C7: variants seen among roughly 807,000 people sequenced by gnomAD.
The protein encoded by C7 is complement component C7.
C7 carries 83 observed loss-of-function variants against 104.8 expected under a neutral mutation model. That is an observed-to-expected ratio of 0.79 (90% confidence interval 0.66 to 0.95). C7 has a LOEUF of 0.95. C7 is among the 40% of genes least tolerant of loss of function. The pLI, the probability that C7 is intolerant of heterozygous loss-of-function variation, is 0.00. For missense variants in C7, 1,070 were observed against 1,011.2 expected (o/e 1.06, Z -0.79); for synonymous variants, 415 against 360.6 (o/e 1.15, Z -1.71).
chr5:40,951,372 C>T (rs1418035946), intron 9 of C7, among the ~76,000 whole-genome samples: 1 of 152,082 alleles, frequency 6.6e-6, no homozygotes, highest in Non-Finnish European at 1.5e-5. Context: ...AACAGGAAAC[C>T]AAATACTGCA....
chr5:40,970,177 C>T (rs765949196), intron 14 of C7, among the ~76,000 whole-genome samples: 1 of 152,102 alleles, frequency 6.6e-6, no homozygotes, highest in East Asian at 1.9e-4. Context: ...TGATATATCT[C>T]ATTGTGATGA....
At chr5:40,929,072 G>A (rs1388194053) in intron 2 of C7, among the ~76,000 whole-genome samples, 2 of 152,116 alleles carry the variant, frequency 1.3e-5, no homozygotes, top group African/African-American at 4.8e-5. Flanking sequence ...ATTTATCCAA[G>A]GCTTTGTTAT....
Position 40,958,127 on chromosome 5 carries a change from T to C in C7, c.1355T>C (p.Phe452Ser). 1.2e-6 allele frequency: 2 copies of C among 1,613,854 alleles called. No homozygotes were observed. Among genetic ancestry groups the C allele is most frequent in the Non-Finnish European group, 1.7e-6 (2 of 1,179,788 alleles). Residue 452 changes from phenylalanine (F) to serine (S), a missense_variant, in exon 11 of 18, where the codon TTT becomes TCT. Physicochemically the swap from Phe to Ser is radical, Grantham distance 155. Coordinates refer to ENST00000313164, the MANE Select transcript of C7 (RefSeq NM_000587.4). The part of the protein sequence containing the change: ...KWALEEYLDE[F>S]DPCHCRPCQN... Reference sequence around the variant, plus strand: ...GCTCTTGAAGAGTATCTGGATGAATTTGACCCCTGTCATTGCCGGCCTTGT... The same window carrying C: ...GCTCTTGAAGAGTATCTGGATGAATCTGACCCCTGTCATTGCCGGCCTTGT...
intron 9 of C7, among the ~76,000 whole-genome samples, chr5:40,951,638 C>T (rs780241124): frequency 3.3e-5 from 5 of 152,078 alleles, no homozygotes; most frequent in South Asian, 2.1e-4. Context: ...GAGAAAGTTG[C>T]TTTTAAAGGA....
intron 1 of C7, among the ~76,000 whole-genome samples, chr5:40,909,974 ATTTTTTTT>A (rs1259880340): frequency 1.6e-5 from 2 of 124,664 alleles, no homozygotes; most frequent in African/African-American, 6.1e-5. Context: ...CCTCTGGTGT[ATTTTTTTT>A]TTTTTTTTTT....
intron 6 of C7, among the ~76,000 whole-genome samples, chr5:40,942,716 G>A (rs1422632822): frequency 6.6e-6 from 1 of 151,800 alleles, no homozygotes; most frequent in Non-Finnish European, 1.5e-5. Flanking sequence ...TGAAAAGCAC[G>A]AATGGATTTG....
intron 7 of C7, among the ~76,000 whole-genome samples, chr5:40,946,094 T>C (rs1053872361): frequency 2.0e-5 from 3 of 151,880 alleles, no homozygotes; most frequent in Non-Finnish European, 2.9e-5. Flanking sequence ...TTAATGCTTA[T>C]ATATGCTTCT....
chr5:40,973,340 A>G (rs1181202370), intron 15 of C7, among the ~76,000 whole-genome samples: 1 of 152,210 alleles, frequency 6.6e-6, no homozygotes, highest in Admixed American at 6.5e-5. Context: ...AGAATGAAGA[A>G]AAACTCACTT....
chr5:40,974,726 T>A (rs2111716298), intron 15 of C7, among the ~76,000 whole-genome samples: 1 of 152,320 alleles, frequency 6.6e-6, no homozygotes, highest in East Asian at 1.9e-4. Flanking sequence ...CTTGACATTA[T>A]AATAGTTTAA....
rs371469026 is a variant in C7 at position 40,949,996 on chromosome 5, G to T, written c.1075G>T (p.Ala359Ser). Reference protein sequence around the residue: ...SSHGCKELENALKAASGTQNN... With the variant: ...SSHGCKELENSLKAASGTQNN... ...TCATGGATGCAAGGAACTGGAAAAC[G>T]CTTTAAAAGCTGCTTCAGGTAAATG... The change falls in exon 9 of 18, where the codon GCT becomes TCT. Residue 359 changes from alanine to serine, a missense_variant. Ala to Ser is a moderately conservative substitution (Grantham distance 99, BLOSUM62 1). Coordinates refer to ENST00000313164, the MANE Select transcript of C7 (RefSeq NM_000587.4). The T allele has an allele frequency of 6.3e-7, 1 of 1,587,986 alleles. No individual in the cohort carries two copies. Among genetic ancestry groups the T allele is most frequent in the South Asian group, 1.2e-5 (1 of 86,824 alleles).
chr5:40,946,243 C>CTAA (rs972180462), intron 7 of C7, among the ~76,000 whole-genome samples: 4 of 152,100 alleles, frequency 2.6e-5, no homozygotes, highest in Non-Finnish European at 5.9e-5. Flanking sequence ...TTTTGAAATA[C>CTAA]TAAAACCTTC....
At chr5:40,918,083 T>C (rs1250573920) in intron 1 of C7, among the ~76,000 whole-genome samples, 4 of 152,106 alleles carry the variant, frequency 2.6e-5, no homozygotes, top group African/African-American at 9.7e-5. Context: ...ACAGAAATAG[T>C]ATTCAAAGAA....
At chr5:40,962,790 C>T (rs1293894380) in intron 13 of C7, among the ~76,000 whole-genome samples, 1 of 152,280 alleles carries the variant, frequency 6.6e-6, no homozygotes, top group Non-Finnish European at 1.5e-5. Context: ...CCCAGTGGTG[C>T]CTCTTCATGG....
chr5:40,938,603 G>A lies in C7; in HGVS notation c.567+913G>A, dbSNP rs12654480. ...TTTTACTAGGTAAAGTATCCAAAAT[G>A]GCTGGATCATTTCATACCCCAGCAG... On this transcript the variant is annotated intron_variant, in intron 6 of 17. Transcript: ENST00000313164. 1.1e-3 allele frequency among the ~76,000 whole-genome samples: 171 copies of A among 152,262 alleles called. 2 individuals are homozygous for A. In the East Asian group the frequency reaches 0.029, roughly 26 times the overall value.
At chr5:40,923,288 G>C (rs534910808) in intron 1 of C7, among the ~76,000 whole-genome samples, 1 of 152,114 alleles carries the variant, frequency 6.6e-6, no homozygotes, top group Non-Finnish European at 1.5e-5. Context: ...CCTGAGACTG[G>C]GTAATTTATA....
intron 9 of C7, among the ~76,000 whole-genome samples, chr5:40,951,964 A>G (rs904749307): frequency 6.6e-5 from 10 of 152,210 alleles, no homozygotes; most frequent in African/African-American, 2.4e-4. Flanking sequence ...TATGCCAGAG[A>G]AAGTGCTTGT....
chr5:40,962,381 A>T (rs750459225), intron 13 of C7, among the ~76,000 whole-genome samples: 3 of 152,150 alleles, frequency 2.0e-5, no homozygotes, highest in Non-Finnish European at 4.4e-5. Flanking sequence ...TGTATCTTCT[A>T]TGGTGTGGGA....
In C7 at chr5:40,945,326, A is replaced by G. The variant is rs761256956; in HGVS notation, c.696A>G (p.Ser232=). The change falls in exon 7 of 18, where the codon TCA becomes TCG. Residue 232 remains serine (S), a synonymous_variant. Transcript: ENST00000313164. The part of the protein sequence containing the change: ...RSFFRSSSSS[S]RSYTSHTNEI... ...TTTTTAGATCTTCATCATCTTCTTCACGCAGTTATACTTCACATACCAATG... is the reference window on the plus strand; with the variant it reads ...TTTTTAGATCTTCATCATCTTCTTCGCGCAGTTATACTTCACATACCAATG... The G allele has an allele frequency of 1.4e-5, 22 of 1,608,712 alleles. No homozygotes were observed. Among genetic ancestry groups the G allele is most frequent in the Non-Finnish European group, 1.9e-5 (22 of 1,178,144 alleles).
intron 3 of C7, 21 bp downstream of exon 3, chr5:40,931,160 G>T (rs755990689): frequency 2.7e-5 from 42 of 1,582,154 alleles, no homozygotes; most frequent in Non-Finnish European, 3.6e-5. Flanking sequence ...GCAAAACTTT[G>T]TATTTGATTA....
Sources: gnomAD v4.1 joint callset for allele counts (sites outside exome capture counted in the v4.1 genomes callset) on GRCh38, gnomAD v4.1.1 for gene constraint, MANE v1.5 for transcripts, NCBI Gene and HGNC (gene_info 2026-07-23, HGNC 2026-07-21) for gene names.